Variants in KHDRBS2 observed in about 807,000 individuals in gnomAD.
KHDRBS2 encodes the protein KH domain-containing, RNA-binding, signal transduction-associated protein 2.
A neutral mutation model predicts 44.3 loss-of-function variants in KHDRBS2; 26 were observed. That is an observed-to-expected ratio of 0.59 (90% CI 0.43 to 0.81). KHDRBS2 has a LOEUF of 0.81. Among genes scored for constraint, KHDRBS2 ranks in the 40% least tolerant of loss-of-function variants. KHDRBS2 has a pLI of 0.00. For missense variants in KHDRBS2, 476 were observed against 433.1 expected, an observed-to-expected ratio of 1.10 and a Z score of -0.88; for synonymous variants, 194 against 151.1, an observed-to-expected ratio of 1.28 and a Z score of -2.08.
intron 3 of KHDRBS2, among the ~76,000 whole-genome samples, chr6:61,982,319 G>C (rs897863673): frequency 6.6e-6 from 1 of 152,050 alleles, no homozygotes; most frequent in Non-Finnish European, 1.5e-5. Context: ...TGAGACCCAC[G>C]GAAATGACTA....
chr6:61,579,158 G>C, the KHDRBS2 span, among the ~76,000 whole-genome samples: 2 of 152,088 alleles, frequency 1.3e-5, no homozygotes, highest in African/African-American at 4.8e-5. Flanking sequence ...TCCCTCCTTT[G>C]CTTTACTGTC....
At chr6:62,168,119 AT>A (rs1003046331) in intron 2 of KHDRBS2, among the ~76,000 whole-genome samples, 2 of 152,124 alleles carry the variant, frequency 1.3e-5, no homozygotes, top group Non-Finnish European at 2.9e-5. Context: ...TTTTAAACAC[AT>A]TTTGGAACTT....
intron 4 of KHDRBS2, among the ~76,000 whole-genome samples, chr6:61,944,642 T>C (rs1167803573): frequency 6.6e-6 from 1 of 152,024 alleles, no homozygotes; most frequent in Non-Finnish European, 1.5e-5. Flanking sequence ...ACAAAATAGC[T>C]AGAAGAGAGG....
chr6:61,892,580 TC>T (rs1802077139), intron 6 of KHDRBS2, among the ~76,000 whole-genome samples: 1 of 151,442 alleles, frequency 6.6e-6, no homozygotes, highest in Non-Finnish European at 1.5e-5. Context: ...CAGAACAGAG[TC>T]CTAAGAAATA....
chr6:61,785,373 T>C (rs1783643788), intron 6 of KHDRBS2, among the ~76,000 whole-genome samples: 1 of 152,136 alleles, frequency 6.6e-6, no homozygotes, highest in African/African-American at 2.4e-5. Flanking sequence ...TTTGTAAGAG[T>C]ATAAATTTGT....
chr6:61,830,982 T>A (rs1278911403), intron 6 of KHDRBS2, among the ~76,000 whole-genome samples: 1 of 152,168 alleles, frequency 6.6e-6, no homozygotes, highest in East Asian at 1.9e-4. Context: ...GTACTTCTTT[T>A]TCAGGTATAT....
At chr6:61,659,796 A>G in the KHDRBS2 span, among the ~76,000 whole-genome samples, 1 of 151,832 alleles carries the variant, frequency 6.6e-6, no homozygotes, top group Admixed American at 6.6e-5. Flanking sequence ...ATCTTCTGGC[A>G]CACGATGTTA....
intron 3 of KHDRBS2, among the ~76,000 whole-genome samples, chr6:62,040,812 TCACGAACCAA>T (rs1431240928): frequency 1.3e-5 from 2 of 151,982 alleles, no homozygotes; most frequent in Non-Finnish European, 2.9e-5. Flanking sequence ...GCCCCCAAAA[TCACGAACCAA>T]CACTACTCTG....
chr6:61,927,761 T>C (rs1809245860), intron 4 of KHDRBS2, among the ~76,000 whole-genome samples: 1 of 152,108 alleles, frequency 6.6e-6, no homozygotes, highest in Non-Finnish European at 1.5e-5. Context: ...CTGTAATGCA[T>C]AATACCATAT....
chr6:62,261,645 T>C (rs1165837502), intron 1 of KHDRBS2, among the ~76,000 whole-genome samples: 1 of 151,820 alleles, frequency 6.6e-6, no homozygotes, highest in East Asian at 1.9e-4. Flanking sequence ...TTGTTACCAT[T>C]TTAGGTAAAT....
the KHDRBS2 span, among the ~76,000 whole-genome samples, chr6:61,587,390 G>A: frequency 6.8e-6 from 1 of 147,464 alleles, no homozygotes; most frequent in Non-Finnish European, 1.5e-5. Context: ...TCTGCAAACA[G>A]GTTTCTGGGG....
intron 6 of KHDRBS2, among the ~76,000 whole-genome samples, chr6:61,866,118 G>A (rs1797757334): frequency 6.6e-6 from 1 of 152,198 alleles, no homozygotes; most frequent in Admixed American, 6.5e-5. Flanking sequence ...AGCTCCACTA[G>A]GCAATGTCCC....
At chr6:62,085,958 A>G (rs776005915) in intron 2 of KHDRBS2, among the ~76,000 whole-genome samples, 36 of 152,150 alleles carry the variant, frequency 2.4e-4, no homozygotes, top group Non-Finnish European at 4.1e-4. Flanking sequence ...CTAATAGTTA[A>G]GAGGAGTGGC....
chr6:61,878,893 G>A (rs928695547), intron 6 of KHDRBS2, among the ~76,000 whole-genome samples: 1 of 151,980 alleles, frequency 6.6e-6, no homozygotes, highest in Non-Finnish European at 1.5e-5. Context: ...AAAATTAAGT[G>A]CTGAAGGTAA....
At chr6:62,034,230 C>T (rs1784849282) in intron 3 of KHDRBS2, among the ~76,000 whole-genome samples, 1 of 151,860 alleles carries the variant, frequency 6.6e-6, no homozygotes. Flanking sequence ...ATGGCTTTTA[C>T]TGCTGAATTC....
At chr6:62,238,687 T>TATACACAC (rs1480937481) in intron 1 of KHDRBS2, among the ~76,000 whole-genome samples, 3 of 141,928 alleles carry the variant, frequency 2.1e-5, no homozygotes, top group African/African-American at 8.1e-5. Context: ...AAGTTTTATA[T>TATACACAC]ACACACACAC....
chr6:62,230,739 A>T (rs528196465), intron 1 of KHDRBS2, among the ~76,000 whole-genome samples: 2 of 152,354 alleles, frequency 1.3e-5, no homozygotes, highest in African/African-American at 4.8e-5. Context: ...TCACAGGGCA[A>T]TTAAAAATCC....
At chr6:62,253,849 T>C (rs1836941908) in intron 1 of KHDRBS2, among the ~76,000 whole-genome samples, 1 of 152,022 alleles carries the variant, frequency 6.6e-6, no homozygotes, top group Admixed American at 6.6e-5. Flanking sequence ...TGCAAAATCA[T>C]AAAATTTTGC....
intron 4 of KHDRBS2, among the ~76,000 whole-genome samples, chr6:61,909,892 T>C (rs1266274385): frequency 6.6e-6 from 1 of 152,182 alleles, no homozygotes; most frequent in African/African-American, 2.4e-5. Context: ...GAGGATACAA[T>C]GGACGCTGGT....
Sources: gnomAD v4.1 joint callset for allele counts (sites outside exome capture counted in the v4.1 genomes callset) on GRCh38, gnomAD v4.1.1 for gene constraint, MANE v1.5 for transcripts, NCBI Gene and HGNC (gene_info 2026-07-23, HGNC 2026-07-21) for gene names.